SNAPC1: variants seen among roughly 807,000 people sequenced by gnomAD.
The protein encoded by SNAPC1 is small nuclear RNA activating complex polypeptide 1, also known as snRNA-activating protein complex subunit 1.
A neutral mutation model predicts 50.1 loss-of-function variants in SNAPC1; 42 were observed. The observed-to-expected ratio is 0.84, with a 90% confidence interval of 0.65 to 1.08. The LOEUF (loss-of-function observed/expected upper bound fraction) is 1.08, where lower values mean the gene tolerates loss of function less well. Ranked by LOEUF, SNAPC1 falls within the 50% of genes least tolerant of loss-of-function variation. SNAPC1 has a pLI of 0.00. For missense variants in SNAPC1, 477 were observed against 427.3 expected (o/e 1.12, Z -1.02); for synonymous variants, 164 against 144.2 (o/e 1.14, Z -0.98).
At chr14:61,775,710 A>G (rs1342992163) in intron 4 of SNAPC1, among the ~76,000 whole-genome samples, 1 of 152,214 alleles carries the variant, frequency 6.6e-6, no homozygotes, top group African/African-American at 2.4e-5. Flanking sequence ...AATATTCTTG[A>G]TGTGACAATA....
At chr14:61,780,567 T>A (rs1332210519) in intron 7 of SNAPC1, among the ~76,000 whole-genome samples, 2 of 152,346 alleles carry the variant, frequency 1.3e-5, no homozygotes, top group African/African-American at 4.8e-5. Flanking sequence ...AATTTTCTTA[T>A]AGATTATGAA....
chr14:61,776,107 G>A lies in SNAPC1; in HGVS notation c.547G>A (p.Val183Ile). 1.1e-5 allele frequency: 17 copies of A among 1,591,456 alleles called. No individual in the cohort carries two copies. The highest frequency in any genetic ancestry group is 1.4e-5 in the Non-Finnish European group (16 of 1,174,176). The change falls in exon 5 of 10, where the codon GTT (valine) becomes ATT (isoleucine). Residue 183 changes from valine to isoleucine, a missense_variant. By Grantham distance (29) the Val-to-Ile change is conservative (BLOSUM62 3). Transcript: ENST00000216294. ...TSDVLEEMLNVHDHYQNMKHV... is the reference protein window; with the variant it reads ...TSDVLEEMLNIHDHYQNMKHV... ...TTTTTGCTTTTAGGAAATGCTGAAT[G>A]TTCATGATCATTATCAGAACATGAA...
chr14:61,792,744 T>G (rs2045161657), intron 8 of SNAPC1, 63 bp from the exon 9 acceptor site: 6 of 925,592 alleles, frequency 6.5e-6, no homozygotes, highest in Non-Finnish European at 9.6e-6. Flanking sequence ...TTTTGTAAAA[T>G]GTTTTCTCAA....
At chr14:61,791,531 T>C (rs1303622275) in intron 8 of SNAPC1, among the ~76,000 whole-genome samples, 3 of 152,150 alleles carry the variant, frequency 2.0e-5, no homozygotes, top group Non-Finnish European at 4.4e-5. Context: ...ATTATGTTAC[T>C]GGGTTTTATA....
intron 4 of SNAPC1, among the ~76,000 whole-genome samples, chr14:61,775,217 T>A (rs2045025779): frequency 6.6e-6 from 1 of 152,100 alleles, no homozygotes; most frequent in Non-Finnish European, 1.5e-5. Context: ...TAATAAATAA[T>A]GCCACAAATG....
chr14:61,782,269 G>C lies in SNAPC1; in HGVS notation c.848G>C (p.Arg283Pro), dbSNP rs375863457. 1.1e-4 allele frequency: 173 copies of C among 1,601,662 alleles called. No homozygotes were observed. The highest frequency in any genetic ancestry group is 8.3e-4 in the Admixed American group (47 of 56,392). ...VIQASKSRRH[R>P]QVKLDSSDSD... The stretch of plus-strand genomic sequence containing the variant: ...AAGGCATCCAAATCAAGAAGGCATC[G>C]TCAAGTCAAACTCGACTCTTCTGAC... Residue 283 changes from arginine (R) to proline (P), a missense_variant, in exon 8 of 10, where the codon CGT becomes CCT. By Grantham distance (103) the Arg-to-Pro change is moderately radical. Coordinates refer to ENST00000216294, the MANE Select transcript of SNAPC1 (RefSeq NM_003082.4).
chr14:61,770,353 G>A (rs1265118868), intron 4 of SNAPC1, among the ~76,000 whole-genome samples: 1 of 149,634 alleles, frequency 6.7e-6, no homozygotes, highest in Non-Finnish European at 1.5e-5. Flanking sequence ...AGTGATTCTT[G>A]TGTCTCAACC....
In SNAPC1 at chr14:61,782,264, G is replaced by A. The variant is rs371502747; in HGVS notation, c.843G>A (p.Arg281=). 1.3e-6 allele frequency: 2 copies of A among 1,599,230 alleles called. No individual in the cohort carries two copies. The highest frequency in any genetic ancestry group is 1.7e-6 in the Non-Finnish European group (2 of 1,175,386). Reference sequence around the variant, plus strand: ...CTCTTAAGGCATCCAAATCAAGAAGGCATCGTCAAGTCAAACTCGACTCTT... The same window carrying A: ...CTCTTAAGGCATCCAAATCAAGAAGACATCGTCAAGTCAAACTCGACTCTT... ...SVVIQASKSR[R]HRQVKLDSSD... The change falls in exon 8 of 10, where the codon AGG becomes AGA. Residue 281 remains arginine (R), a synonymous_variant. Coordinates refer to ENST00000216294, the MANE Select transcript of SNAPC1 (RefSeq NM_003082.4).
intron 7 of SNAPC1, among the ~76,000 whole-genome samples, chr14:61,779,181 T>C (rs1485815818): frequency 6.6e-6 from 1 of 152,220 alleles, no homozygotes; most frequent in Non-Finnish European, 1.5e-5. Flanking sequence ...TTCCAGCTTC[T>C]AGTATTCCTG....
intron 8 of SNAPC1, among the ~76,000 whole-genome samples, chr14:61,789,777 T>G (rs1209461361): frequency 1.3e-5 from 2 of 152,184 alleles, no homozygotes; most frequent in African/African-American, 2.4e-5. Flanking sequence ...AAGTTTACAC[T>G]TCAATTGGTA....
chr14:61,777,472 G>A (rs1370210907), intron 5 of SNAPC1, among the ~76,000 whole-genome samples: 1 of 152,138 alleles, frequency 6.6e-6, no homozygotes, highest in Non-Finnish European at 1.5e-5. Flanking sequence ...CAACCTCCCA[G>A]GCTTAAGTGA....
chr14:61,786,650 T>C (rs1446539039), intron 8 of SNAPC1, among the ~76,000 whole-genome samples: 1 of 152,172 alleles, frequency 6.6e-6, no homozygotes, highest in East Asian at 1.9e-4. Flanking sequence ...AAAATTGTGA[T>C]GAAAAAAGCT....
chr14:61,778,191 G>A (rs748905088), intron 6 of SNAPC1, 51 bp downstream of exon 6: 2 of 1,049,916 alleles, frequency 1.9e-6, no homozygotes, highest in South Asian at 1.4e-5. Context: ...TCTGTATACT[G>A]AGCATTGTGA....
rs781375299 is a variant in SNAPC1, at chr14:61,778,907, A to C, written c.822A>C (p.Ile274=). ...AATCAAAGGCCTTTTCAGTTGTCAT[A>C]CAGGTAAGTTATTCTTTAATAAGGT... is the stretch of plus-strand genomic sequence containing the variant. ...KIKSKAFSVV[I]QASKSRRHRQ... Residue 274 remains isoleucine (I), a synonymous_variant, in exon 7 of 10, where the codon ATA becomes ATC. Coordinates refer to ENST00000216294, the MANE Select transcript of SNAPC1 (RefSeq NM_003082.4). The C allele has an allele frequency of 3.3e-6, 5 of 1,522,826 alleles. No individual in the cohort carries two copies. In the African/African-American group the frequency reaches 7.0e-5, roughly 21 times the overall value. The allele number at this position is 1,522,826 out of a possible 1,614,324, so 94.3% of individuals were successfully genotyped here. A position where few individuals can be genotyped will look rare whatever the true frequency, so the allele number is the denominator to read the frequency against.
At chr14:61,763,008 T>TTTTTTTTTA (rs398025347) in intron 1 of SNAPC1, among the ~76,000 whole-genome samples, 1 of 133,980 alleles carries the variant, frequency 7.5e-6, no homozygotes, top group Non-Finnish European at 1.6e-5. Flanking sequence ...TTTTTTTTTT[T>TTTTTTTTTA]GAGACGGAGT....
At chr14:61,770,225 C>T (rs1174737283) in intron 4 of SNAPC1, among the ~76,000 whole-genome samples, 5 of 149,286 alleles carry the variant, frequency 3.3e-5, no homozygotes, top group African/African-American at 1.2e-4. Context: ...GTTTAGATGC[C>T]CCCATGTTCT....
intron 8 of SNAPC1, among the ~76,000 whole-genome samples, chr14:61,789,001 G>A (rs925980823): frequency 1.3e-5 from 2 of 152,192 alleles, no homozygotes; most frequent in Non-Finnish European, 1.5e-5. Context: ...GGGAGGCCGA[G>A]GCAGGCAGAT....
At chr14:61,770,721 T>A (rs2044982532) in intron 4 of SNAPC1, among the ~76,000 whole-genome samples, 1 of 152,104 alleles carries the variant, frequency 6.6e-6, no homozygotes, top group South Asian at 2.1e-4. Flanking sequence ...TATGAAAAAT[T>A]GATGTCATAC....
intron 7 of SNAPC1, among the ~76,000 whole-genome samples, chr14:61,779,743 T>C (rs193050548): frequency 7.5e-5 from 11 of 147,464 alleles, no homozygotes; most frequent in African/African-American, 2.7e-4. Context: ...AGTTTTGCTC[T>C]TGTTGCCCAG....
Sources: gnomAD v4.1 joint callset for allele counts (sites outside exome capture counted in the v4.1 genomes callset) on GRCh38, gnomAD v4.1.1 for gene constraint, MANE v1.5 for transcripts, NCBI Gene and HGNC (gene_info 2026-07-23, HGNC 2026-07-21) for gene names.